Variants in C12orf54 observed in about 807,000 individuals in gnomAD.
The protein encoded by C12orf54 is uncharacterized protein C12orf54.
In C12orf54, 24 loss-of-function variants were observed where a neutral mutation model predicts 26.4. The ratio of observed to expected loss-of-function variants is 0.91; its 90% confidence interval spans 0.66 to 1.28. The LOEUF is 1.28. Among genes scored for constraint, C12orf54 ranks in the 50% most tolerant of loss-of-function variants. The probability of loss-of-function intolerance (pLI) is 0.00; values close to 1 mark genes in which losing one functional copy is unlikely to be tolerated. For missense variants in C12orf54, 154 were observed against 150.9 expected (o/e 1.02, Z -0.11); for synonymous variants, 54 against 47.0 (o/e 1.15, Z -0.61).
intron 4 of C12orf54, chr12:48,488,553 A>G: frequency 5.2e-6 from 2 of 384,824 alleles, no homozygotes; most frequent in Non-Finnish European, 9.7e-6. Context: ...GATTTTACAC[A>G]CCCTCCAACA....
chr12:48,420,986 G>A, the C12orf54 span, among the ~76,000 whole-genome samples: 3 of 152,052 alleles, frequency 2.0e-5, no homozygotes, highest in African/African-American at 7.2e-5. Flanking sequence ...TTCATTTAAA[G>A]GCTCTATTCT....
the C12orf54 span, among the ~76,000 whole-genome samples, chr12:48,421,512 C>CT: frequency 0.36 from 15,816 of 43,460 alleles, 6,369 homozygotes; most frequent in East Asian, 0.68. Context: ...ATATCATGTG[C>CT]TTTTTTTTTT....
At chr12:48,490,783 T>C in intron 5 of C12orf54, 29 bp from the exon 6 acceptor site, 1 of 1,613,082 alleles carries the variant, frequency 6.2e-7, no homozygotes, top group South Asian at 1.1e-5. Context: ...GCCCCCATCA[T>C]CTCTGACTGT....
the C12orf54 span, among the ~76,000 whole-genome samples, chr12:48,439,357 A>G: frequency 1.8e-3 from 267 of 152,334 alleles, 2 homozygotes; most frequent in African/African-American, 5.8e-3. Context: ...TCAGGGATCT[A>G]GAACTAGAAA....
At chr12:48,486,610 AC>A in intron 3 of C12orf54, 77 bp from the exon 4 acceptor site, 1 of 1,437,880 alleles carries the variant, frequency 7.0e-7, no homozygotes, top group East Asian at 2.4e-5. Context: ...CTTGTCTTCC[AC>A]CAGTTTCATA....
At position 48,494,890 on chromosome 12, in the gene C12orf54, A is replaced by G; in HGVS notation, c.335A>G (p.Asn112Ser). The G allele has an allele frequency of 6.2e-7, 1 of 1,612,962 alleles. No individual in the cohort carries two copies. The highest frequency in any genetic ancestry group is 2.2e-5 in the East Asian group (1 of 44,888). ...GEQPSGGRIHNLKTQLFSQSA... is the reference protein window; with the variant it reads ...GEQPSGGRIHSLKTQLFSQSA... ...CAGCCATCAGGAGGCCGTATCCACA[A>G]CCTGAAGACACAGCTCTTCAGTCAA... Residue 112 changes from asparagine (N) to serine (S), a missense_variant, in exon 8 of 9, where the codon AAC becomes AGC. Asn to Ser is a conservative substitution (Grantham distance 46). Transcript: ENST00000548364.
the C12orf54 span, among the ~76,000 whole-genome samples, chr12:48,435,931 G>A: frequency 2.0e-5 from 3 of 152,236 alleles, no homozygotes; most frequent in Admixed American, 6.5e-5. Flanking sequence ...ATGTAAATGG[G>A]CTAAATGCTC....
the C12orf54 span, among the ~76,000 whole-genome samples, chr12:48,458,187 G>C: frequency 1.3e-5 from 2 of 152,210 alleles, no homozygotes; most frequent in Non-Finnish European, 2.9e-5. Context: ...ACTCCAGCCT[G>C]ACCTGCTGGA....
chr12:48,489,322 G>A, intron 5 of C12orf54: 1 of 377,480 alleles, frequency 2.6e-6, no homozygotes, highest in South Asian at 2.3e-5. Context: ...CTGCAGGGAA[G>A]TATGAATTAG....
the C12orf54 span, among the ~76,000 whole-genome samples, chr12:48,445,470 T>A: frequency 6.6e-6 from 1 of 152,218 alleles, no homozygotes; most frequent in Non-Finnish European, 1.5e-5. Flanking sequence ...GGTTAGTTTC[T>A]GAATCTCATG....
At chr12:48,453,063 A>C in the C12orf54 span, among the ~76,000 whole-genome samples, 1 of 152,170 alleles carries the variant, frequency 6.6e-6, no homozygotes, top group Non-Finnish European at 1.5e-5. Context: ...AGCACTATTC[A>C]CAATAGCAAA....
the C12orf54 span, among the ~76,000 whole-genome samples, chr12:48,432,767 C>G: frequency 1.3e-5 from 2 of 151,702 alleles, no homozygotes; most frequent in African/African-American, 2.4e-5. Context: ...TACTGGGGAG[C>G]CTGAGGCAGG....
the C12orf54 span, among the ~76,000 whole-genome samples, chr12:48,433,822 G>C: frequency 6.6e-6 from 1 of 152,276 alleles, no homozygotes; most frequent in South Asian, 2.1e-4. Context: ...CCAGCCTACA[G>C]CTCCCAGCGT....
At chr12:48,461,594 A>C in the C12orf54 span, among the ~76,000 whole-genome samples, 1 of 149,538 alleles carries the variant, frequency 6.7e-6, no homozygotes, top group Non-Finnish European at 1.5e-5. Flanking sequence ...ATCTGGAAAA[A>C]TCTTCAAAAT....
chr12:48,486,116 G>A (rs1954258856), intron 2 of C12orf54, 62 bp from the exon 3 acceptor site: 1 of 1,473,932 alleles, frequency 6.8e-7, no homozygotes, highest in African/African-American at 1.4e-5. Context: ...AATAGAGTTA[G>A]GAGAAGGCTT....
At position 48,486,199 on chromosome 12, in the gene C12orf54, G is replaced by A. The variant is rs187824566; in HGVS notation, c.87G>A (p.Met29Ile). The A allele has an allele frequency of 1.0e-4, 163 of 1,610,912 alleles. No individual in the cohort carries two copies. The highest frequency in any genetic ancestry group is 3.7e-5 in the Non-Finnish European group (43 of 1,177,044). ...QQRSTSIEET[M>I]RPQEKQVTIT... ...GCAGCACATCCATAGAAGAGACAAT[G>A]AGACCACAGGTGGGTAAGGTATCCA... Residue 29 changes from methionine (M) to isoleucine (I), a missense_variant, in exon 3 of 9, where the codon ATG becomes ATA. Coordinates refer to ENST00000548364, the MANE Select transcript of C12orf54 (RefSeq NM_152319.4).
At chr12:48,454,106 T>C in the C12orf54 span, among the ~76,000 whole-genome samples, 223 of 147,096 alleles carry the variant, frequency 1.5e-3, 7 homozygotes, top group East Asian at 0.041. Flanking sequence ...GTTTTTTTTT[T>C]TTTTTTTTTT....
At chr12:48,447,911 C>T in the C12orf54 span, among the ~76,000 whole-genome samples, 1 of 152,120 alleles carries the variant, frequency 6.6e-6, no homozygotes, top group African/African-American at 2.4e-5. Context: ...AGATTTAAAG[C>T]ATAAGAGGAA....
the C12orf54 span, among the ~76,000 whole-genome samples, chr12:48,441,303 C>A: frequency 6.6e-6 from 1 of 152,028 alleles, no homozygotes; most frequent in Non-Finnish European, 1.5e-5. Context: ...AAAGGCTGAC[C>A]TTTGACTCTC....
Sources: allele counts gnomAD v4.1 joint callset (sites outside exome capture counted in the v4.1 genomes callset), GRCh38; gene constraint gnomAD v4.1.1; transcripts MANE v1.5; gene names NCBI Gene and HGNC (gene_info 2026-07-23, HGNC 2026-07-21).